PDE11A: variants seen among roughly 807,000 people sequenced by gnomAD.
PDE11A encodes the protein dual 3',5'-cyclic-AMP and -GMP phosphodiesterase 11A.
A neutral mutation model predicts 100.5 loss-of-function variants in PDE11A; 100 were observed. The ratio of observed to expected loss-of-function variants is 1.00; its 90% CI spans 0.85 to 1.18. The LOEUF (loss-of-function observed/expected upper bound fraction) is 1.18, where lower values mean the gene tolerates loss of function less well. Ranked by LOEUF, PDE11A falls within the 50% of genes most tolerant of loss-of-function variation. The pLI is 0.00. For synonymous variants in PDE11A, 381 were observed against 420.8 expected, an observed-to-expected ratio of 0.91 and a Z score of 1.16; for missense variants, 1,141 against 1,152.6, an observed-to-expected ratio of 0.99 and a Z score of 0.15.
At chr2:178,018,880 G>GC (rs2086373243) in intron 1 of PDE11A, among the ~76,000 whole-genome samples, 1 of 152,166 alleles carries the variant, frequency 6.6e-6, no homozygotes, top group Non-Finnish European at 1.5e-5. Context: ...AGTTTGAGAG[G>GC]ATTTGTATTC....
chr2:177,844,542 AATTT>A (rs1405135022), intron 5 of PDE11A, among the ~76,000 whole-genome samples: 9 of 151,408 alleles, frequency 5.9e-5, no homozygotes, highest in East Asian at 3.9e-4. Flanking sequence ...TTAATTAATT[AATTT>A]ATTTATTTTT....
At chr2:177,687,970 T>C (rs2080978913) in intron 15 of PDE11A, 1 of 152,246 alleles carries the variant, frequency 6.6e-6, no homozygotes, top group Admixed American at 6.5e-5. Context: ...CACCTTTCCA[T>C]GTGTGTTAAT....
intron 15 of PDE11A, among the ~76,000 whole-genome samples, chr2:177,684,591 C>T (rs1322315325): frequency 6.6e-6 from 1 of 152,184 alleles, no homozygotes; most frequent in Non-Finnish European, 1.5e-5. Context: ...CTGGCACTCA[C>T]TACTTACATG....
intron 16 of PDE11A, among the ~76,000 whole-genome samples, chr2:177,678,598 ATT>A (rs1345987669): frequency 6.6e-6 from 1 of 152,162 alleles, no homozygotes; most frequent in Non-Finnish European, 1.5e-5. Context: ...CTATTTTAAA[ATT>A]CTCTACAGAT....
intron 19 of PDE11A, among the ~76,000 whole-genome samples, chr2:177,631,291 CAA>C (rs869059416): frequency 0.018 from 218 of 11,834 alleles, 5 homozygotes; most frequent in African/African-American, 0.047. Flanking sequence ...ACTAAAAATG[CAA>C]AAAAAAAAAA....
chr2:177,795,036 C>T lies in PDE11A; in HGVS notation c.1737+21793G>A, dbSNP rs556593789. Among the ~76,000 whole-genome samples, 22 of 152,242 alleles carry T rather than the reference C, an allele frequency of 1.4e-4. No homozygotes were observed. In the South Asian group the frequency reaches 2.3e-3, roughly 16 times the overall value. On this transcript the variant is annotated intron_variant, in intron 9 of 19. Coordinates refer to ENST00000286063, the MANE Select transcript of PDE11A (RefSeq NM_016953.4). ...TCCTGACCTCATGATCCACCTGCCTCGGCCTCCCAAAGTGCTGGGATTACA... is the reference window on the plus strand; with the variant it reads ...TCCTGACCTCATGATCCACCTGCCTTGGCCTCCCAAAGTGCTGGGATTACA...
intron 1 of PDE11A, among the ~76,000 whole-genome samples, chr2:178,058,005 C>A (rs936069780): frequency 2.0e-5 from 3 of 152,070 alleles, no homozygotes; most frequent in Non-Finnish European, 4.4e-5. Context: ...TTACAAGCAC[C>A]TGCCACCGTG....
chr2:178,073,099 C>T (rs2087160571), upstream of PDE11A: 3 of 984,228 alleles, frequency 3.0e-6, no homozygotes, highest in South Asian at 9.4e-5. Flanking sequence ...CAGCGGGAGC[C>T]CAGTGGGAGT....
intron 3 of PDE11A, among the ~76,000 whole-genome samples, chr2:177,902,869 T>G (rs1336221080): frequency 6.6e-6 from 1 of 152,218 alleles, no homozygotes; most frequent in Admixed American, 6.5e-5. Context: ...CCCAGCCATA[T>G]TATTTTTTGA....
At chr2:178,060,778 A>C (rs1480002588) in intron 1 of PDE11A, among the ~76,000 whole-genome samples, 2 of 152,100 alleles carry the variant, frequency 1.3e-5, no homozygotes, top group Non-Finnish European at 2.9e-5. Flanking sequence ...AATATATCAT[A>C]ATTGATTCAT....
chr2:177,760,521 G>A (rs1162869891), intron 10 of PDE11A, among the ~76,000 whole-genome samples: 1 of 151,950 alleles, frequency 6.6e-6, no homozygotes, highest in African/African-American at 2.4e-5. Context: ...ACCCCTAAAT[G>A]TTTTGTCAAC....
chr2:178,016,657 C>A (rs2086342102), intron 1 of PDE11A, among the ~76,000 whole-genome samples: 2 of 152,088 alleles, frequency 1.3e-5, no homozygotes, highest in African/African-American at 4.8e-5. Context: ...CAAGGAAGTT[C>A]TCTCTCAAAA....
chr2:177,785,861 C>T (rs988779622), intron 9 of PDE11A, among the ~76,000 whole-genome samples: 10 of 152,304 alleles, frequency 6.6e-5, no homozygotes, highest in African/African-American at 2.4e-4. Flanking sequence ...CCCAGACTTG[C>T]TTAGGTAAAC....
intron 4 of PDE11A, among the ~76,000 whole-genome samples, chr2:177,879,682 A>AT (rs1306384589): frequency 6.6e-6 from 1 of 152,122 alleles, no homozygotes; most frequent in Admixed American, 6.6e-5. Flanking sequence ...TTTTAAAAAT[A>AT]TTTTTTCCAT....
chr2:177,843,212 C>T (rs1169070691), intron 5 of PDE11A, among the ~76,000 whole-genome samples: 1 of 152,074 alleles, frequency 6.6e-6, no homozygotes, highest in Non-Finnish European at 1.5e-5. Context: ...AAAATGGAGA[C>T]CTAGGATGCT....
chr2:177,779,943 A>G (rs982114838), intron 9 of PDE11A, among the ~76,000 whole-genome samples: 1 of 152,226 alleles, frequency 6.6e-6, no homozygotes, highest in Non-Finnish European at 1.5e-5. Flanking sequence ...AGCCTTACAA[A>G]ATGTATTTCT....
At chr2:177,658,579 T>G (rs1279286013) in intron 19 of PDE11A, among the ~76,000 whole-genome samples, 1 of 152,040 alleles carries the variant, frequency 6.6e-6, no homozygotes, top group African/African-American at 2.4e-5. Context: ...TTTTGAGTTA[T>G]GTATGATGCC....
At chr2:177,988,295 T>C (rs2085964296) in intron 2 of PDE11A, among the ~76,000 whole-genome samples, 1 of 152,216 alleles carries the variant, frequency 6.6e-6, no homozygotes, top group Non-Finnish European at 1.5e-5. Flanking sequence ...TTGTGTGACT[T>C]CTCAGAGAAA....
chr2:177,902,361 ACT>A (rs1376472865), intron 3 of PDE11A, among the ~76,000 whole-genome samples: 1 of 152,102 alleles, frequency 6.6e-6, no homozygotes, highest in Non-Finnish European at 1.5e-5. Flanking sequence ...CCTTTTTCAG[ACT>A]CAGCCTGCCT....
Sources: gnomAD v4.1 joint callset for allele counts (sites outside exome capture counted in the v4.1 genomes callset) on GRCh38, gnomAD v4.1.1 for gene constraint, MANE v1.5 for transcripts, NCBI Gene and HGNC (gene_info 2026-07-23, HGNC 2026-07-21) for gene names.